PPFIBP2: variants seen among roughly 807,000 people sequenced by gnomAD.
PPFIBP2 encodes the protein liprin-beta-2.
A neutral mutation model predicts 118.3 loss-of-function variants in PPFIBP2; 118 were observed. The ratio of observed to expected loss-of-function variants is 1.00; its 90% CI spans 0.86 to 1.16. The LOEUF (loss-of-function observed/expected upper bound fraction) is 1.16. Ranked by LOEUF, PPFIBP2 falls within the 50% of genes most tolerant of loss-of-function variation. The pLI is 0.00. For missense variants in PPFIBP2, 1,195 were observed against 1,073.1 expected (o/e 1.11, Z -1.59); for synonymous variants, 414 against 397.4 (o/e 1.04, Z -0.50).
At position 7,635,631 on chromosome 11, in the gene PPFIBP2, A is replaced by G. The variant is rs753781942; in HGVS notation, c.1236+38A>G. 8.3e-6 allele frequency: 13 copies of G among 1,563,538 alleles called. No homozygotes were observed. The Admixed American group carries it at 2.2e-4, about 26-fold the overall frequency. On this transcript the variant is annotated intron_variant, in intron 14 of 23. Transcript: ENST00000299492. ...CGTGCCCCGTCGTCTATTTGTGGTT[A>G]CACTGTTTGCTAGTATTTTAATTTA...
intron 2 of PPFIBP2, among the ~76,000 whole-genome samples, chr11:7,551,696 C>G (rs1013237099): frequency 6.6e-6 from 1 of 152,222 alleles, no homozygotes; most frequent in Non-Finnish European, 1.5e-5. Flanking sequence ...CTGACACTTT[C>G]ACAATATTGA....
chr11:7,530,759 C>T (rs1448644322), intron 1 of PPFIBP2, among the ~76,000 whole-genome samples: 1 of 152,192 alleles, frequency 6.6e-6, no homozygotes. Flanking sequence ...GCATGCTGCT[C>T]CTCTCTTTCT....
At chr11:7,627,729 A>G (rs1480164519) in intron 8 of PPFIBP2, among the ~76,000 whole-genome samples, 1 of 152,214 alleles carries the variant, frequency 6.6e-6, no homozygotes, top group African/African-American at 2.4e-5. Flanking sequence ...TCAACCCAGC[A>G]TTTGCATATA....
chr11:7,615,265 G>A (rs1039923132), intron 6 of PPFIBP2, among the ~76,000 whole-genome samples: 1 of 151,752 alleles, frequency 6.6e-6, no homozygotes, highest in African/African-American at 2.4e-5. Flanking sequence ...GAACCTGGGA[G>A]GTGGAGGTTG....
intron 3 of PPFIBP2, among the ~76,000 whole-genome samples, chr11:7,588,079 A>G (rs765196344): frequency 2.6e-5 from 4 of 152,178 alleles, no homozygotes; most frequent in Non-Finnish European, 2.9e-5. Context: ...CTAAAATGCA[A>G]TGTTCTCCAA....
the PPFIBP2 span, chr11:7,665,434 C>A: frequency 1.5e-5 from 24 of 1,612,628 alleles, no homozygotes; most frequent in Middle Eastern, 3.3e-4. Flanking sequence ...GGTGAGCCGC[C>A]GTCTGGATTA....
chr11:7,551,479 C>A (rs2134554190), intron 2 of PPFIBP2, among the ~76,000 whole-genome samples: 2 of 152,200 alleles, frequency 1.3e-5, no homozygotes, highest in South Asian at 4.1e-4. Flanking sequence ...TTTATTTTTT[C>A]TTTCACCAAT....
Position 7,547,052 on chromosome 11 carries a change from G to A in PPFIBP2, c.-36-2388G>A, listed in dbSNP as rs188412637. ...ACAGTGGGAACCTGGGAGTAAACAA[G>A]GCAGACAGGGTCCCTCTGCCTCTGT... On this transcript the variant is annotated intron_variant, in intron 1 of 23. Transcript: ENST00000299492. Among the ~76,000 whole-genome samples, 877 of 152,318 alleles carry A rather than the reference G, an allele frequency of 5.8e-3. 7 individuals are homozygous for A. The highest frequency in any genetic ancestry group is 9.5e-3 in the Admixed American group (145 of 15,302).
chr11:7,665,698 C>G, the PPFIBP2 span: 1 of 1,152,000 alleles, frequency 8.7e-7, no homozygotes, highest in Non-Finnish European at 1.2e-6. Flanking sequence ...TGCAAAAAGC[C>G]TCAGAACTAG....
intron 3 of PPFIBP2, chr11:7,577,026 G>A (rs576751154): frequency 6.5e-6 from 1 of 153,110 alleles, no homozygotes; most frequent in Non-Finnish European, 1.5e-5. Flanking sequence ...ACTGAGAGCA[G>A]CTGGGAGCCC....
intron 3 of PPFIBP2, among the ~76,000 whole-genome samples, chr11:7,573,018 G>A (rs1189878085): frequency 6.6e-6 from 1 of 152,196 alleles, no homozygotes; most frequent in Non-Finnish European, 1.5e-5. Context: ...GACCTCAGGT[G>A]ATCTGCCCAC....
intron 1 of PPFIBP2, among the ~76,000 whole-genome samples, chr11:7,540,739 C>G (rs1851691522): frequency 1.3e-5 from 2 of 152,176 alleles, no homozygotes; most frequent in African/African-American, 4.8e-5. Flanking sequence ...TGGCTGTGCA[C>G]AGCTGCTGTC....
At chr11:7,665,524 G>A in the PPFIBP2 span, 16 of 1,610,936 alleles carry the variant, frequency 9.9e-6, no homozygotes, top group African/African-American at 6.7e-5. Context: ...CGGCAGTAAC[G>A]AAGCCTGAGC....
the PPFIBP2 span, chr11:7,665,857 A>C: frequency 6.5e-7 from 1 of 1,536,028 alleles, no homozygotes; most frequent in Non-Finnish European, 8.7e-7. Context: ...AGCCAGCTGG[A>C]GTTGTCCGGC....
At chr11:7,535,162 C>T (rs1039933832) in intron 1 of PPFIBP2, among the ~76,000 whole-genome samples, 1 of 152,164 alleles carries the variant, frequency 6.6e-6, no homozygotes, top group Non-Finnish European at 1.5e-5. Context: ...GGGTCTTGCC[C>T]ATGACAACAT....
At chr11:7,654,018 G>C (rs1854452431), downstream of PPFIBP2, among the ~76,000 whole-genome samples, 1 of 152,194 alleles carries the variant, frequency 6.6e-6, no homozygotes, top group Non-Finnish European at 1.5e-5. Flanking sequence ...TGCACATCCT[G>C]ACCATAGGGT....
intron 2 of PPFIBP2, among the ~76,000 whole-genome samples, chr11:7,557,993 TA>T (rs1418461628): frequency 1.3e-5 from 2 of 152,244 alleles, no homozygotes; most frequent in Non-Finnish European, 2.9e-5. Context: ...ATTTACGTGG[TA>T]AAAGGTTAGA....
intron 2 of PPFIBP2, among the ~76,000 whole-genome samples, chr11:7,564,165 CAA>C (rs199904165): frequency 8.4e-5 from 11 of 131,510 alleles, no homozygotes; most frequent in African/African-American, 5.7e-5. Flanking sequence ...GACTCCGTCT[CAA>C]AAAAAAAAAA....
In PPFIBP2 at chr11:7,642,343, G is replaced by A; in HGVS notation, c.1563G>A (p.Gly521=). The stretch of plus-strand genomic sequence containing the variant: ...GAAATTTCTACACTGACACGCTGGG[G>A]ATGGCAGAGTTTCGACGAGGTGGGC... The part of the protein sequence containing the change: ...QSGNFYTDTL[G]MAEFRRGGLR... Residue 521 remains glycine (G), a synonymous_variant, in exon 17 of 24, where the codon GGG becomes GGA. Coordinates refer to ENST00000299492, the MANE Select transcript of PPFIBP2 (RefSeq NM_003621.5). The A allele has an allele frequency of 6.2e-7, 1 of 1,614,206 alleles. No individual in the cohort carries two copies. Among genetic ancestry groups the A allele is most frequent in the Non-Finnish European group, 8.5e-7 (1 of 1,180,032 alleles).
Sources: allele counts gnomAD v4.1 joint callset (sites outside exome capture counted in the v4.1 genomes callset), GRCh38; gene constraint gnomAD v4.1.1; transcripts MANE v1.5; gene names NCBI Gene and HGNC (gene_info 2026-07-23, HGNC 2026-07-21).